Variants in NEO1 observed in about 807,000 individuals in gnomAD.
The protein encoded by NEO1 is neogenin.
A neutral mutation model predicts 159.7 loss-of-function variants in NEO1; 63 were observed. The observed-to-expected ratio is 0.39, with a 90% confidence interval of 0.32 to 0.49. NEO1 has a LOEUF of 0.49. NEO1 is among the 20% of genes least tolerant of loss of function. The probability of loss-of-function intolerance (pLI) is 0.85; values close to 1 mark genes in which losing one functional copy is unlikely to be tolerated. For synonymous variants in NEO1, 633 were observed against 662.0 expected (o/e 0.96, Z 0.67); for missense variants, 1,615 against 1,831.0 (o/e 0.88, Z 2.15).
intron 1 of NEO1, among the ~76,000 whole-genome samples, chr15:73,114,307 C>CTAAATAGGCAGAAGCTAGATCAG (rs2071169726): frequency 6.6e-6 from 1 of 152,084 alleles, no homozygotes; most frequent in South Asian, 2.1e-4. Context: ...TGGTGACTGA[C>CTAAATAGGCAGAAGCTAGATCAG]GTGGCAGTCG....
rs1039335341 is a variant in NEO1, at chr15:73,285,354, A to C, written c.3410+2243A>C. On this transcript the variant is annotated intron_variant, in intron 23 of 28. Transcript: ENST00000261908. Reference sequence around the variant, plus strand: ...AGGCTGGTGTCAAACTCCTGACCTCAAGTGATCTGCCCACCTCAGCCTGCC... The same window carrying C: ...AGGCTGGTGTCAAACTCCTGACCTCCAGTGATCTGCCCACCTCAGCCTGCC... Among the ~76,000 whole-genome samples the C allele has an allele frequency of 2.9e-4, 44 of 152,332 alleles. 1 individual carries two copies. The highest frequency in any genetic ancestry group is 2.4e-3 in the Admixed American group (36 of 15,304).
At position 73,142,703 on chromosome 15, in the gene NEO1, C is replaced by T. The variant is rs367940816; in HGVS notation, c.1015+6676C>T. 5.3e-5 allele frequency among the ~76,000 whole-genome samples: 8 copies of T among 152,280 alleles called. No homozygotes were observed. In the South Asian group the frequency reaches 1.2e-3, roughly 24 times the overall value. ...GTTTTTGGTAGGGCTTTTAATTTAA[C>T]CGAAGGACATCTTTCAACTTTGAGA... On this transcript the variant is annotated intron_variant, in intron 5 of 28. Transcript: ENST00000261908.
intron 1 of NEO1, among the ~76,000 whole-genome samples, chr15:73,064,489 T>C (rs2068114698): frequency 6.6e-6 from 1 of 152,178 alleles, no homozygotes; most frequent in Non-Finnish European, 1.5e-5. Flanking sequence ...TTTAGAGACA[T>C]AGTCTCACTC....
chr15:73,250,286 A>T (rs903694980), intron 11 of NEO1, among the ~76,000 whole-genome samples: 13 of 152,182 alleles, frequency 8.5e-5, no homozygotes, highest in South Asian at 4.1e-4. Flanking sequence ...ATTTAAAAAA[A>T]ATATATTTTT....
At position 73,236,096 on chromosome 15, in the gene NEO1, A is replaced by C. The variant is rs554100174; in HGVS notation, c.1292-251A>C. ...CAGTGATGTGTTTTGAATAGTGCCC[A>C]TTAGTTTTCAGTAGTTACCCTGGCC... is the stretch of plus-strand genomic sequence containing the variant. On this transcript the variant is annotated intron_variant, in intron 7 of 28. Transcript: ENST00000261908. 4.8e-4 allele frequency among the ~76,000 whole-genome samples: 73 copies of C among 152,292 alleles called. 1 individual carries two copies. The highest frequency in any genetic ancestry group is 1.7e-3 in the African/African-American group (70 of 41,576).
At position 73,249,702 on chromosome 15, in the gene NEO1, T is replaced by G; in HGVS notation, c.1875T>G (p.Ala625=). 6.2e-7 allele frequency: 1 copy of G among 1,611,590 alleles called. No homozygotes were observed. Among genetic ancestry groups the G allele is most frequent in the Admixed American group, 1.7e-5 (1 of 59,256 alleles). The stretch of plus-strand genomic sequence containing the variant: ...CTGGAGTTTCCACACCAGATGTTGC[T>G]GTTCGAACATTGTCAGATGGTGAGT... ...HGPGVSTPDV[A]VRTLSDVPSA... is the part of the protein sequence containing the mutation. Residue 625 remains alanine, a synonymous_variant, in exon 11 of 29, where the codon GCT becomes GCG. Transcript: ENST00000261908.
At position 73,168,678 on chromosome 15, in the gene NEO1, A is replaced by G. The variant is rs577041899; in HGVS notation, c.1016-7725A>G. Among the ~76,000 whole-genome samples the G allele has an allele frequency of 7.2e-5, 11 of 152,290 alleles. No individual in the cohort carries two copies. In the East Asian group the frequency reaches 1.9e-3, roughly 27 times the overall value. On this transcript the variant is annotated intron_variant, in intron 5 of 28. Transcript: ENST00000261908. ...TCAAACTTACATCATAAGTTAAGTT[A>G]TGATGTCACCTGTTTCTCTTGGAGA... is the stretch of plus-strand genomic sequence containing the variant.
Position 73,052,771 on chromosome 15 carries a change from G to A in NEO1, c.96G>A (p.Ala32=). ...LLLGRRAPGA[A]AARSGSAPQS... ...TCGGGCGCCGGGCGCCGGGCGCCGC[G>A]GCCGCCAGGAGCGGCTCCGCGCCGC... The change falls in exon 1 of 29, where the codon GCG becomes GCA. Residue 32 remains alanine (A), a synonymous_variant. Coordinates refer to ENST00000261908, the MANE Select transcript of NEO1 (RefSeq NM_002499.4). 1.6e-6 allele frequency: 2 copies of A among 1,241,660 alleles called. No individual in the cohort carries two copies. The highest frequency in any genetic ancestry group is 1.0e-6 in the Non-Finnish European group (1 of 984,926). The allele number at this position is 1,241,660 out of a possible 1,614,324, so 76.9% of individuals were successfully genotyped here.
intron 1 of NEO1, among the ~76,000 whole-genome samples, chr15:73,090,253 AGCGCAATCTT>A (rs2069612002): frequency 6.6e-6 from 1 of 152,050 alleles, no homozygotes. Flanking sequence ...GGAGTGCAGT[AGCGCAATCTT>A]GGCTCACTGT....
intron 7 of NEO1, among the ~76,000 whole-genome samples, chr15:73,228,588 G>A (rs574620643): frequency 6.7e-6 from 1 of 150,220 alleles, no homozygotes; most frequent in South Asian, 2.1e-4. Context: ...TTTTTTCTGG[G>A]TTTTTTTTAG....
intron 8 of NEO1, among the ~76,000 whole-genome samples, 153 bp downstream of exon 8, chr15:73,236,659 C>G (rs530915743): frequency 6.6e-6 from 1 of 152,294 alleles, no homozygotes; most frequent in African/African-American, 2.4e-5. Context: ...ATTAAATAAA[C>G]TCCCAAACAG....
At chr15:73,181,169 G>A (rs918772528) in intron 7 of NEO1, among the ~76,000 whole-genome samples, 1 of 152,138 alleles carries the variant, frequency 6.6e-6, no homozygotes, top group Non-Finnish European at 1.5e-5. Context: ...GGATCAATAT[G>A]GAAATAAAAT....
intron 11 of NEO1, among the ~76,000 whole-genome samples, chr15:73,250,713 A>G (rs1567602887): frequency 6.6e-6 from 1 of 152,242 alleles, no homozygotes; most frequent in East Asian, 1.9e-4. Context: ...AAGAAAAAAA[A>G]GGTTGAGGAA....
chr15:73,071,135 A>C (rs916363038), intron 1 of NEO1, among the ~76,000 whole-genome samples: 3 of 152,000 alleles, frequency 2.0e-5, no homozygotes, highest in African/African-American at 7.3e-5. Context: ...TTGTATAGAG[A>C]CAGAGTCTTG....
chr15:73,226,593 A>G (rs1596400432), intron 7 of NEO1, among the ~76,000 whole-genome samples: 2 of 152,324 alleles, frequency 1.3e-5, no homozygotes, highest in East Asian at 3.9e-4. Context: ...ATTTTACGGT[A>G]TATGTGTTAA....
intron 23 of NEO1, among the ~76,000 whole-genome samples, chr15:73,285,248 T>C (rs889624653): frequency 6.6e-6 from 1 of 152,152 alleles, no homozygotes. Context: ...GCCTCCCAAG[T>C]AGCTGGGATT....
intron 5 of NEO1, among the ~76,000 whole-genome samples, chr15:73,168,329 A>T (rs1030016694): frequency 2.3e-5 from 3 of 130,510 alleles, no homozygotes; most frequent in African/African-American, 5.8e-5. Flanking sequence ...AATTACAGGC[A>T]TGCACCACAG....
intron 1 of NEO1, among the ~76,000 whole-genome samples, chr15:73,072,527 C>G (rs888010694): frequency 3.9e-5 from 6 of 152,038 alleles, no homozygotes; most frequent in African/African-American, 1.5e-4. Flanking sequence ...TATGTTGGGA[C>G]CATGAGGATG....
chr15:73,156,564 A>G (rs552126332), intron 5 of NEO1, among the ~76,000 whole-genome samples: 1 of 152,242 alleles, frequency 6.6e-6, no homozygotes, highest in Admixed American at 6.5e-5. Context: ...AGCTCTTCTC[A>G]TTCACAAGTG....
Sources: allele counts gnomAD v4.1 joint callset (sites outside exome capture counted in the v4.1 genomes callset), GRCh38; gene constraint gnomAD v4.1.1; transcripts MANE v1.5; gene names NCBI Gene and HGNC (gene_info 2026-07-23, HGNC 2026-07-21).